Variants in ARHGAP6 observed in about 807,000 individuals in gnomAD.
ARHGAP6 encodes the protein rho GTPase-activating protein 6.
ARHGAP6 carries 16 observed loss-of-function variants against 55.7 expected under a neutral mutation model. The observed-to-expected ratio is 0.29, with a 90% CI of 0.19 to 0.44. ARHGAP6 has a LOEUF of 0.44. Ranked by LOEUF, ARHGAP6 falls within the 20% of genes least tolerant of loss-of-function variation. The pLI is 1.00. For missense variants in ARHGAP6, 698 were observed against 808.9 expected, an observed-to-expected ratio of 0.86 and a Z score of 1.66; for synonymous variants, 382 against 360.9, an observed-to-expected ratio of 1.06 and a Z score of -0.66.
intron 1 of ARHGAP6, among the ~76,000 whole-genome samples, chrX:11,392,550 T>C (rs994570068): frequency 8.9e-6 from 1 of 111,857 alleles, no homozygotes; most frequent in African/African-American, 3.2e-5. Context: ...AATGACCTTA[T>C]TAAAAAATCA....
At chrX:11,284,643 C>T (rs2047898607) in intron 1 of ARHGAP6, among the ~76,000 whole-genome samples, 1 of 111,847 alleles carries the variant, frequency 8.9e-6, no homozygotes, top group South Asian at 3.8e-4. Context: ...ATATTTTCTC[C>T]TTGCAGCATT....
intron 2 of ARHGAP6, among the ~76,000 whole-genome samples, chrX:11,242,312 T>C (rs1054725339): frequency 3.5e-5 from 4 of 112,744 alleles, no homozygotes; most frequent in Admixed American, 9.4e-5. Context: ...GGCTCAACTA[T>C]GGTTTTTCCT....
rs190954959 is a variant in ARHGAP6 at position 11,212,801 on chromosome X, A to G, written c.749-15805T>C. 2.9e-4 allele frequency among the ~76,000 whole-genome samples: 32 copies of G among 112,103 alleles called. 1 individual carries two copies. In the East Asian group the frequency reaches 8.3e-3, roughly 29 times the overall value. Reference sequence around the variant, plus strand: ...AATTACATACTTTGAGAAAATATATATATATAAAATAAAGATTAAATAAAA... The same window carrying G: ...AATTACATACTTTGAGAAAATATATGTATATAAAATAAAGATTAAATAAAA... On this transcript the variant is annotated intron_variant, in intron 2 of 12. Coordinates refer to ENST00000337414, the MANE Select transcript of ARHGAP6 (RefSeq NM_013427.3).
Position 11,186,404 on chromosome X carries a change from C to T in ARHGAP6, c.1105G>A (p.Asp369Asn). 1.7e-6 allele frequency: 2 copies of T among 1,210,619 alleles called. No homozygotes were observed. The highest frequency in any genetic ancestry group is 3.0e-5 in the East Asian group (1 of 33,802). ...RGAMSVDSIT[D>N]LDDNQSRLLE... is the part of the protein sequence containing the mutation. ...AGTCGAGACTGATTGTCATCAAGAT[C>T]GGTGATAGAATCCACTGACATGGCA... Residue 369 changes from aspartate to asparagine, a missense_variant, in exon 5 of 13, where the codon GAT (aspartate) becomes AAT (asparagine). Physicochemically the swap from Asp to Asn is conservative, Grantham distance 23. Transcript: ENST00000337414.
At chrX:11,543,750 T>C (rs931979894) in intron 1 of ARHGAP6, among the ~76,000 whole-genome samples, 2 of 112,174 alleles carry the variant, frequency 1.8e-5, no homozygotes, top group Non-Finnish European at 3.8e-5. Flanking sequence ...CTAAAGCCTA[T>C]ACTCCTAAAC....
intron 1 of ARHGAP6, among the ~76,000 whole-genome samples, chrX:11,651,924 C>T (rs2052588669): frequency 8.9e-6 from 1 of 112,342 alleles, no homozygotes; most frequent in Non-Finnish European, 1.9e-5. Context: ...TTGTTGGCCA[C>T]ATTTATGCCT....
At chrX:11,242,449 AT>A (rs201606469) in intron 2 of ARHGAP6, among the ~76,000 whole-genome samples, 2 of 109,198 alleles carry the variant, frequency 1.8e-5, no homozygotes, top group Non-Finnish European at 3.8e-5. Context: ...TTTAAAGAAG[AT>A]TTTTTTTTCA....
chrX:11,542,375 G>A (rs1418183448), intron 1 of ARHGAP6, among the ~76,000 whole-genome samples: 2 of 111,234 alleles, frequency 1.8e-5, no homozygotes, highest in Non-Finnish European at 1.9e-5. Context: ...TCCGGAGGCT[G>A]AGGCAGGAGA....
chrX:11,199,041 G>T (rs1237106005), intron 2 of ARHGAP6, among the ~76,000 whole-genome samples: 1 of 112,108 alleles, frequency 8.9e-6, no homozygotes, highest in Non-Finnish European at 1.9e-5. Context: ...TCACATTATG[G>T]ATACTGTTTC....
chrX:11,197,095 C>G lies in ARHGAP6; in HGVS notation c.749-99G>C, dbSNP rs1027381002. On this transcript the variant is annotated intron_variant, in intron 2 of 12. Coordinates refer to ENST00000337414, the MANE Select transcript of ARHGAP6 (RefSeq NM_013427.3). Reference sequence around the variant, plus strand: ...GAGCAAAAGCATGGCTTTTCTCTTACTTCACTTATAATTTGACATTTTAAG... The same window carrying G: ...GAGCAAAAGCATGGCTTTTCTCTTAGTTCACTTATAATTTGACATTTTAAG... The G allele has an allele frequency of 6.3e-6, 3 of 474,920 alleles. No homozygotes were observed. In the East Asian group the frequency reaches 1.1e-4, roughly 18 times the overall value. The allele number at this position is 474,920 out of a possible 1,213,427, so 39.1% of individuals were successfully genotyped here.
chrX:11,365,560 G>A (rs2049065018), intron 1 of ARHGAP6, among the ~76,000 whole-genome samples: 1 of 112,396 alleles, frequency 8.9e-6, no homozygotes, highest in East Asian at 2.7e-4. Context: ...TAACGTATAT[G>A]CCTATAGTGA....
chrX:11,344,801 G>A (rs886232243), intron 1 of ARHGAP6, among the ~76,000 whole-genome samples: 5 of 110,246 alleles, frequency 4.5e-5, no homozygotes, highest in East Asian at 2.8e-4. Flanking sequence ...TTCAAAGCTC[G>A]GTAGGTGATA....
At chrX:11,167,486 A>G (rs1035841297) in intron 9 of ARHGAP6, among the ~76,000 whole-genome samples, 1 of 111,787 alleles carries the variant, frequency 8.9e-6, no homozygotes, top group African/African-American at 3.3e-5. Flanking sequence ...CAAAGATCAG[A>G]TTTGGGAAAA....
intron 8 of ARHGAP6, among the ~76,000 whole-genome samples, chrX:11,173,336 T>C (rs2046121530): frequency 8.9e-6 from 1 of 112,106 alleles, no homozygotes; most frequent in Non-Finnish European, 1.9e-5. Flanking sequence ...TTAGTAATCA[T>C]GGCCCTACAC....
Position 11,219,046 on chromosome X carries a change from C to A in ARHGAP6, c.749-22050G>T, listed in dbSNP as rs57360908. On this transcript the variant is annotated intron_variant, in intron 2 of 12. Transcript: ENST00000337414. Reference sequence around the variant, plus strand: ...TTGCTATCCCTCCCCCCTCCCCCCACCCCACAACAGTCCCCAGAGTGTGAT... The same window carrying A: ...TTGCTATCCCTCCCCCCTCCCCCCAACCCACAACAGTCCCCAGAGTGTGAT... 3.9e-3 allele frequency among the ~76,000 whole-genome samples: 280 copies of A among 72,107 alleles called. 2 individuals carry two copies. The highest frequency in any genetic ancestry group is 0.015 in the African/African-American group (273 of 18,531). 62.6% of individuals were successfully genotyped at this position (72,107 alleles called of 115,157 possible). A position where few individuals can be genotyped will look rare whatever the true frequency, so the allele number is the denominator to read the frequency against.
At chrX:11,389,936 A>T (rs1372002294) in intron 1 of ARHGAP6, among the ~76,000 whole-genome samples, 1 of 112,041 alleles carries the variant, frequency 8.9e-6, no homozygotes, top group African/African-American at 3.2e-5. Context: ...TTCTAATGGG[A>T]ACTAGAAGTC....
intron 1 of ARHGAP6, among the ~76,000 whole-genome samples, chrX:11,458,756 A>C (rs2050217038): frequency 8.9e-6 from 1 of 112,044 alleles, no homozygotes; most frequent in Admixed American, 9.6e-5. Flanking sequence ...CCTGGGGTAC[A>C]TCAGCAAACA....
At chrX:11,521,662 A>G (rs775825895) in intron 1 of ARHGAP6, among the ~76,000 whole-genome samples, 2 of 111,150 alleles carry the variant, frequency 1.8e-5, no homozygotes, top group Non-Finnish European at 3.8e-5. Context: ...GTTCCATATG[A>G]ACTTTAAAGT....
At chrX:11,294,645 T>C (rs2048050534) in intron 1 of ARHGAP6, 2 of 710,652 alleles carry the variant, frequency 2.8e-6, no homozygotes, top group Non-Finnish European at 4.5e-6. Context: ...ATGACTGAAG[T>C]AAATTCACAA....
Sources: allele counts gnomAD v4.1 joint callset (sites outside exome capture counted in the v4.1 genomes callset), GRCh38; gene constraint gnomAD v4.1.1; transcripts MANE v1.5; gene names NCBI Gene and HGNC (gene_info 2026-07-23, HGNC 2026-07-21).